NBEA: variants seen among roughly 807,000 people sequenced by gnomAD.
NBEA encodes lysosomal-trafficking regulator 2.
In NBEA, 44 loss-of-function variants were observed where a neutral mutation model predicts 343.4. The ratio of observed to expected loss-of-function variants is 0.13; its 90% CI spans 0.10 to 0.16. The LOEUF (loss-of-function observed/expected upper bound fraction) is 0.16. Ranked by LOEUF, NBEA falls within the 10% of genes least tolerant of loss-of-function variation. The probability of loss-of-function intolerance (pLI) is 1.00; values close to 1 mark genes in which losing one functional copy is unlikely to be tolerated. For missense variants in NBEA, 2,555 were observed against 3,631.3 expected (o/e 0.70, Z 7.62); for synonymous variants, 1,175 against 1,238.7 (o/e 0.95, Z 1.08).
intron 40 of NBEA, among the ~76,000 whole-genome samples, chr13:35,461,021 A>T (rs1176079151): frequency 2.0e-5 from 3 of 152,030 alleles, no homozygotes; most frequent in Admixed American, 2.0e-4. Flanking sequence ...CACCAGTTCT[A>T]CTCCCATGAT....
rs1200272164 is a variant in NBEA, at chr13:35,606,508, T to G, written c.7379T>G (p.Val2460Gly). ...AATCTTGGAGTCAGAGAAGATGAAG[T>G]AGTGGTAAATGATGTTGATCTTCCC... The part of the protein sequence containing the change: ...GYNLGVREDE[V>G]VVNDVDLPPW... Residue 2460 changes from valine (V) to glycine (G), a missense_variant, in exon 48 of 59, where the codon GTA (valine) becomes GGA (glycine). Val to Gly is a moderately radical substitution (Grantham distance 109). Coordinates refer to ENST00000379939, the MANE Select transcript of NBEA (RefSeq NM_001385012.1). 2 of 1,606,932 alleles carry G rather than the reference T, an allele frequency of 1.2e-6. No individual in the cohort carries two copies. Among genetic ancestry groups the G allele is most frequent in the East Asian group, 4.5e-5 (2 of 44,676 alleles).
chr13:34,950,109 C>T (rs1023146401), intron 1 of NBEA, among the ~76,000 whole-genome samples: 5 of 152,144 alleles, frequency 3.3e-5, no homozygotes, highest in African/African-American at 1.2e-4. Flanking sequence ...TGGGGCTTCA[C>T]TGGACTTTAT....
chr13:35,048,541 A>G (rs1393517527), intron 4 of NBEA, 22 bp from the exon 5 acceptor site: 1 of 1,596,584 alleles, frequency 6.3e-7, no homozygotes, highest in African/African-American at 1.3e-5. Flanking sequence ...ATACTTTCGT[A>G]CCTTTTCTCA....
At chr13:35,534,072 T>G (rs1305247098) in intron 41 of NBEA, among the ~76,000 whole-genome samples, 1 of 152,194 alleles carries the variant, frequency 6.6e-6, no homozygotes, top group Non-Finnish European at 1.5e-5. Context: ...CACATTTTCT[T>G]TGTGGAAGTT....
At chr13:35,602,825 T>C (rs1435260774) in intron 47 of NBEA, among the ~76,000 whole-genome samples, 2 of 152,184 alleles carry the variant, frequency 1.3e-5, no homozygotes, top group Non-Finnish European at 2.9e-5. Context: ...TTCTTCCTCC[T>C]GCCCTTCTAA....
At chr13:35,468,861 T>G (rs1374837503) in intron 40 of NBEA, among the ~76,000 whole-genome samples, 1 of 152,088 alleles carries the variant, frequency 6.6e-6, no homozygotes, top group Non-Finnish European at 1.5e-5. Context: ...CATTTTGGGA[T>G]GCCAAGCCAG....
chr13:35,066,928 A>T (rs1353728524), intron 8 of NBEA, among the ~76,000 whole-genome samples: 5 of 151,704 alleles, frequency 3.3e-5, no homozygotes, highest in African/African-American at 1.2e-4. Context: ...AATTTTTTTC[A>T]CTTAAAAAAC....
At chr13:35,364,185 G>A (rs1030027198) in intron 38 of NBEA, among the ~76,000 whole-genome samples, 2 of 151,858 alleles carry the variant, frequency 1.3e-5, no homozygotes, top group Non-Finnish European at 2.9e-5. Flanking sequence ...CCAGTGAAGG[G>A]CATCTAGGAA....
chr13:35,376,065 C>G (rs1375550009), intron 38 of NBEA, among the ~76,000 whole-genome samples: 1 of 151,992 alleles, frequency 6.6e-6, no homozygotes, highest in Non-Finnish European at 1.5e-5. Flanking sequence ...TTATTCTTTA[C>G]TTTTGCTTTT....
intron 41 of NBEA, among the ~76,000 whole-genome samples, chr13:35,533,664 ACT>A (rs531105734): frequency 3.5e-4 from 54 of 152,214 alleles, no homozygotes; most frequent in Non-Finnish European, 4.3e-4. Context: ...ATATATTAAC[ACT>A]CTGTTTGCTA....
At chr13:35,111,642 G>A (rs2066212986) in intron 13 of NBEA, among the ~76,000 whole-genome samples, 1 of 151,850 alleles carries the variant, frequency 6.6e-6, no homozygotes, top group African/African-American at 2.4e-5. Flanking sequence ...AGTAATGTAA[G>A]GGGATGTACC....
chr13:35,664,573 A>G (rs890920689), intron 55 of NBEA, among the ~76,000 whole-genome samples: 3 of 152,254 alleles, frequency 2.0e-5, no homozygotes, highest in Admixed American at 6.5e-5. Context: ...TGCTTCTGGG[A>G]TATAATTCAG....
intron 1 of NBEA, among the ~76,000 whole-genome samples, chr13:35,020,469 T>C (rs2061799261): frequency 6.6e-6 from 1 of 152,164 alleles, no homozygotes; most frequent in African/African-American, 2.4e-5. Context: ...TTGGATGGTA[T>C]GTATGCCCCA....
intron 38 of NBEA, among the ~76,000 whole-genome samples, chr13:35,428,699 C>A (rs2044879570): frequency 6.6e-6 from 1 of 151,998 alleles, no homozygotes; most frequent in South Asian, 2.1e-4. Context: ...AAATTCTCTG[C>A]CATTTCGATG....
chr13:35,408,303 G>A (rs893035564), intron 38 of NBEA, among the ~76,000 whole-genome samples: 2 of 152,136 alleles, frequency 1.3e-5, no homozygotes, highest in African/African-American at 4.8e-5. Flanking sequence ...TAAGTGGCTA[G>A]CCATATGCAG....
intron 49 of NBEA, among the ~76,000 whole-genome samples, chr13:35,640,294 A>G (rs2083884985): frequency 6.6e-6 from 1 of 152,258 alleles, no homozygotes; most frequent in Non-Finnish European, 1.5e-5. Context: ...GAAAACAATT[A>G]AGAGATACGG....
At chr13:35,133,156 C>A (rs2067519114) in intron 17 of NBEA, among the ~76,000 whole-genome samples, 1 of 151,166 alleles carries the variant, frequency 6.6e-6, no homozygotes. Context: ...AAAAATTGTG[C>A]AAATAAATTA....
chr13:35,117,930 A>G (rs1246566644), intron 14 of NBEA, among the ~76,000 whole-genome samples: 1 of 152,042 alleles, frequency 6.6e-6, no homozygotes, highest in African/African-American at 2.4e-5. Flanking sequence ...TGTTTTAAGG[A>G]AAGAGTAAGT....
intron 6 of NBEA, among the ~76,000 whole-genome samples, chr13:35,054,614 GT>G (rs572374951): frequency 6.9e-5 from 8 of 116,540 alleles, no homozygotes; most frequent in Middle Eastern, 4.6e-3. Flanking sequence ...TTAATACACT[GT>G]TTTTTTTTTC....
Sources: allele counts gnomAD v4.1 joint callset (sites outside exome capture counted in the v4.1 genomes callset), GRCh38; gene constraint gnomAD v4.1.1; transcripts MANE v1.5; gene names NCBI Gene and HGNC (gene_info 2026-07-23, HGNC 2026-07-21).